The following NKAIN3 variants were observed in gnomAD, a reference collection of about 807,000 sequenced individuals.
NKAIN3 encodes sodium/potassium-transporting ATPase subunit beta-1-interacting protein 3.
NKAIN3 carries 25 observed loss-of-function variants against 30.2 expected under a neutral mutation model. The ratio of observed to expected loss-of-function variants is 0.83; its 90% confidence interval spans 0.60 to 1.16. The LOEUF (loss-of-function observed/expected upper bound fraction) is 1.16. Ranked by LOEUF, NKAIN3 falls within the 50% of genes most tolerant of loss-of-function variation. The pLI, the probability that NKAIN3 is intolerant of heterozygous loss-of-function variation, is 0.00. For synonymous variants in NKAIN3, 91 were observed against 89.6 expected, an observed-to-expected ratio of 1.02 and a Z score of -0.09; for missense variants, 225 against 254.1, an observed-to-expected ratio of 0.89 and a Z score of 0.78.
At chr8:62,859,532 G>T (rs191358915) in intron 4 of NKAIN3, among the ~76,000 whole-genome samples, 140 of 32,308 alleles carry the variant, frequency 4.3e-3, no homozygotes, top group African/African-American at 0.011. Flanking sequence ...CTTCATGGAA[G>T]TAGCCTAGTT....
chr8:62,432,379 A>G (rs1394931693), intron 1 of NKAIN3, among the ~76,000 whole-genome samples: 1 of 152,088 alleles, frequency 6.6e-6, no homozygotes, highest in South Asian at 2.1e-4. Context: ...AGCCAAAATT[A>G]TTTGTTTACA....
At chr8:62,844,140 A>G (rs1241117002) in intron 4 of NKAIN3, among the ~76,000 whole-genome samples, 1 of 152,158 alleles carries the variant, frequency 6.6e-6, no homozygotes, top group African/African-American at 2.4e-5. Flanking sequence ...AAATGCCACA[A>G]ACATGCAGAT....
At chr8:62,717,197 G>T (rs932781120) in intron 3 of NKAIN3, among the ~76,000 whole-genome samples, 71 of 152,310 alleles carry the variant, frequency 4.7e-4, no homozygotes, top group African/African-American at 1.6e-3. Flanking sequence ...AAGTAATCAT[G>T]TGGCTTCTAT....
chr8:62,861,871 C>A (rs1223320355), intron 4 of NKAIN3, among the ~76,000 whole-genome samples: 3 of 152,186 alleles, frequency 2.0e-5, no homozygotes, highest in Non-Finnish European at 4.4e-5. Flanking sequence ...CAATACCTTC[C>A]CATGGACTCC....
intron 1 of NKAIN3, among the ~76,000 whole-genome samples, chr8:62,426,438 AC>A (rs1190217637): frequency 6.6e-6 from 1 of 151,982 alleles, no homozygotes; most frequent in Non-Finnish European, 1.5e-5. Flanking sequence ...ATCATCTTAA[AC>A]TACTGGAGTA....
chr8:62,539,055 A>G (rs1205564596), intron 1 of NKAIN3, among the ~76,000 whole-genome samples: 1 of 152,168 alleles, frequency 6.6e-6, no homozygotes, highest in Non-Finnish European at 1.5e-5. Context: ...AATACTTGAT[A>G]TTGGAAGGGC....
intron 1 of NKAIN3, among the ~76,000 whole-genome samples, chr8:62,409,398 G>A (rs867005542): frequency 1.3e-5 from 2 of 152,072 alleles, no homozygotes; most frequent in Middle Eastern, 3.2e-3. Context: ...TGGTCAGGCT[G>A]GTCTCAAACT....
intron 4 of NKAIN3, among the ~76,000 whole-genome samples, chr8:62,824,491 AACACACACACACACAC>A (rs6150612): frequency 0.54 from 79,661 of 148,642 alleles, 23,004 homozygotes; most frequent in Non-Finnish European, 0.66. Flanking sequence ...CCACCTCTTC[AACACACACACACACAC>A]ACACACACAC....
chr8:62,265,183 C>T (rs2129390857), intron 1 of NKAIN3, among the ~76,000 whole-genome samples: 1 of 152,306 alleles, frequency 6.6e-6, no homozygotes, highest in Admixed American at 6.5e-5. Context: ...TTTAAAACTG[C>T]TACCTCGGGC....
intron 1 of NKAIN3, among the ~76,000 whole-genome samples, chr8:62,281,226 TC>T (rs1324030859): frequency 1.3e-5 from 2 of 152,052 alleles, no homozygotes; most frequent in Non-Finnish European, 2.9e-5. Flanking sequence ...AATATCCCCC[TC>T]TATCATTTTT....
intron 4 of NKAIN3, among the ~76,000 whole-genome samples, chr8:62,839,718 C>A (rs766584664): frequency 6.6e-6 from 1 of 152,046 alleles, no homozygotes. Flanking sequence ...TGGGCTCAAG[C>A]AATCCTCCTG....
chr8:62,700,982 C>CTT (rs1814314025), intron 3 of NKAIN3, among the ~76,000 whole-genome samples: 1 of 152,184 alleles, frequency 6.6e-6, no homozygotes, highest in African/African-American at 2.4e-5. Context: ...GATCCTTTAT[C>CTT]TTAACTGTAA....
intron 1 of NKAIN3, among the ~76,000 whole-genome samples, chr8:62,442,990 G>A (rs979648439): frequency 6.6e-6 from 1 of 151,894 alleles, no homozygotes; most frequent in Non-Finnish European, 1.5e-5. Context: ...GGCTTCCTTT[G>A]AGAGTTCATT....
chr8:62,911,608 G>A (rs1821927501), intron 4 of NKAIN3, among the ~76,000 whole-genome samples: 1 of 152,028 alleles, frequency 6.6e-6, no homozygotes, highest in Non-Finnish European at 1.5e-5. Flanking sequence ...TTTATAGGAA[G>A]AGACTCTTGA....
intron 1 of NKAIN3, among the ~76,000 whole-genome samples, chr8:62,320,104 T>C (rs553698611): frequency 6.6e-6 from 1 of 152,322 alleles, no homozygotes; most frequent in East Asian, 1.9e-4. Flanking sequence ...CTTTGTCTCT[T>C]TTGATCTTTG....
chr8:62,410,620 A>G (rs1804208451), intron 1 of NKAIN3, among the ~76,000 whole-genome samples: 1 of 152,156 alleles, frequency 6.6e-6, no homozygotes, highest in Non-Finnish European at 1.5e-5. Flanking sequence ...CACTAGCTAG[A>G]TTAACAAATA....
chr8:62,771,548 T>C (rs759929554), intron 4 of NKAIN3, among the ~76,000 whole-genome samples: 94 of 151,992 alleles, frequency 6.2e-4, no homozygotes, highest in Non-Finnish European at 1.2e-3. Flanking sequence ...AACATAACAA[T>C]ATAAATGTAC....
intron 1 of NKAIN3, among the ~76,000 whole-genome samples, chr8:62,280,367 C>T (rs565915252): frequency 2.6e-5 from 4 of 152,056 alleles, no homozygotes; most frequent in East Asian, 1.9e-4. Flanking sequence ...ATCCTTTATT[C>T]CTTTCTCCTG....
intron 3 of NKAIN3, among the ~76,000 whole-genome samples, chr8:62,703,573 C>A (rs756357355): frequency 6.6e-6 from 1 of 152,118 alleles, no homozygotes; most frequent in Non-Finnish European, 1.5e-5. Context: ...AAATCTTTTG[C>A]GGTAATGCAA....
Sources: allele counts gnomAD v4.1 joint callset (sites outside exome capture counted in the v4.1 genomes callset), GRCh38; gene constraint gnomAD v4.1.1; transcripts MANE v1.5; gene names NCBI Gene and HGNC (gene_info 2026-07-23, HGNC 2026-07-21).